Variants in CUEDC1 observed in about 807,000 individuals in gnomAD.
CUEDC1 encodes the protein CUE domain containing 1.
In CUEDC1, 30 loss-of-function variants were observed where a neutral mutation model predicts 43.7. The observed-to-expected ratio is 0.69, with a 90% CI of 0.51 to 0.93. The LOEUF (loss-of-function observed/expected upper bound fraction) is 0.93. Ranked by LOEUF, CUEDC1 falls within the 40% of genes least tolerant of loss-of-function variation. The pLI is 0.00. For missense variants in CUEDC1, 486 were observed against 549.0 expected, an observed-to-expected ratio of 0.89 and a Z score of 1.15; for synonymous variants, 223 against 223.6, an observed-to-expected ratio of 1.00 and a Z score of 0.02.
Position 57,885,408 on chromosome 17 carries a change from CG to C in CUEDC1, c.156del (p.Asp52GlufsTer36), listed in dbSNP as rs754148574. 66 of 1,607,348 alleles carry C rather than the reference CG, an allele frequency of 4.1e-5. No individual in the cohort carries two copies. Among genetic ancestry groups the C allele is most frequent in the Non-Finnish European group, 5.5e-5 (65 of 1,177,936 alleles). On this transcript the variant is annotated frameshift_variant, in exon 2 of 11. Coordinates refer to ENST00000577830, the MANE Select transcript of CUEDC1 (RefSeq NM_001271875.2). LOFTEE classifies it high-confidence loss of function. Reference protein sequence around the residue: ...VRRLEFNQAMDDFKTMFPNMD... With the variant: ...VRRLEFNQAMXDFKTMFPNMD... The stretch of plus-strand genomic sequence containing the variant: ...ATGTTGGGGAACATGGTCTTGAAGT[CG>C]TCCATGGCCTGGTTGAACTCCAGGC...
chr17:57,879,460 GTATC>G, intron 3 of CUEDC1, 147 bp downstream of exon 3: 1 of 1,066,682 alleles, frequency 9.4e-7, no homozygotes, highest in Non-Finnish European at 1.3e-6. Context: ...GTTCTCCTTG[GTATC>G]TAGCTAAAAT....
At chr17:57,945,386 C>T (rs551041048) in intron 1 of CUEDC1, among the ~76,000 whole-genome samples, 1 of 152,290 alleles carries the variant, frequency 6.6e-6, no homozygotes, top group South Asian at 2.1e-4. Context: ...TAGACATATG[C>T]CCCCATGCCC....
chr17:57,922,879 CT>C (rs35241279), intron 1 of CUEDC1, among the ~76,000 whole-genome samples: 31,647 of 143,802 alleles, frequency 0.22, 3,902 homozygotes, highest in Non-Finnish European at 0.3. Context: ...CTCCCTCTCT[CT>C]TTTTTTTTTT....
In CUEDC1 at chr17:57,916,114, A is replaced by C. The variant is rs564584823; in HGVS notation, c.-315-30235T>G. Among the ~76,000 whole-genome samples the C allele has an allele frequency of 5.1e-4, 78 of 152,362 alleles. 1 individual carries two copies. The highest frequency in any genetic ancestry group is 1.9e-3 in the African/African-American group (77 of 41,594). ...AAGGGCCGGAAAGGTTAAAGGCCTC[A>C]CCCTCAAGGTCCCACCAAAGAATCG... On this transcript the variant is annotated intron_variant, in intron 1 of 10. Coordinates refer to ENST00000577830, the MANE Select transcript of CUEDC1 (RefSeq NM_001271875.2).
chr17:57,913,020 C>T (rs895619799), intron 1 of CUEDC1, among the ~76,000 whole-genome samples: 3 of 152,034 alleles, frequency 2.0e-5, no homozygotes, highest in South Asian at 2.1e-4. Context: ...TACATTAAAA[C>T]AAATTTTTGT....
At chr17:57,903,931 G>C (rs73314256) in intron 1 of CUEDC1, among the ~76,000 whole-genome samples, 1,622 of 124,202 alleles carry the variant, frequency 0.013, 26 homozygotes, top group African/African-American at 0.038. Flanking sequence ...GAGAGAGACC[G>C]TGTTTCAAAA....
chr17:57,893,027 GCT>G (rs1377082387), intron 1 of CUEDC1, among the ~76,000 whole-genome samples: 4 of 152,204 alleles, frequency 2.6e-5, no homozygotes, highest in Admixed American at 2.0e-4. Context: ...ACTTGCCAGC[GCT>G]CTCATTTCCC....
chr17:57,929,253 A>G (rs1160736297), intron 1 of CUEDC1, among the ~76,000 whole-genome samples: 1 of 152,116 alleles, frequency 6.6e-6, no homozygotes, highest in Non-Finnish European at 1.5e-5. Flanking sequence ...CCCCTGCCCT[A>G]TGAGGCAGGG....
chr17:57,887,655 C>CTTTTTTTTTTTT lies in CUEDC1; in HGVS notation c.-315-1788_-315-1777dup, dbSNP rs3085786. Among the ~76,000 whole-genome samples the CTTTTTTTTTTTT allele has an allele frequency of 6.2e-4, 36 of 58,034 alleles. 1 individual carries two copies. The highest frequency in any genetic ancestry group is 1.4e-3 in the East Asian group (2 of 1,464). 38.1% of individuals were successfully genotyped at this position (58,034 alleles called of 152,430 possible). A position where few individuals can be genotyped will look rare whatever the true frequency, so the allele number is the denominator to read the frequency against. ...TACAGGTACACGCCACCACGCCTGGCTTTTTTTTTTTTTTTTTTTTTGTAT... is the reference window on the plus strand; with the variant it reads ...TACAGGTACACGCCACCACGCCTGGCTTTTTTTTTTTTTTTTTTTTTTTTTTTTTTTTTGTAT... On this transcript the variant is annotated intron_variant, in intron 1 of 10. Coordinates refer to ENST00000577830, the MANE Select transcript of CUEDC1 (RefSeq NM_001271875.2).
chr17:57,885,203 T>A (rs1420676739), intron 2 of CUEDC1, 26 bp downstream of exon 2: 1 of 1,528,106 alleles, frequency 6.5e-7, no homozygotes, highest in Non-Finnish European at 8.8e-7. Context: ...CAGTGGTGGT[T>A]GGAATTACCC....
At chr17:57,920,744 G>T (rs573465841) in intron 1 of CUEDC1, among the ~76,000 whole-genome samples, 1 of 149,352 alleles carries the variant, frequency 6.7e-6, no homozygotes, top group Non-Finnish European at 1.5e-5. Flanking sequence ...TGATTCTCCT[G>T]CCTTAGCCTC....
At chr17:57,869,861 C>T (rs547313818) in intron 6 of CUEDC1, 2 of 153,002 alleles carry the variant, frequency 1.3e-5, no homozygotes, top group African/African-American at 4.8e-5. Context: ...CCCCTGCTCT[C>T]TGTCCTGCAA....
intron 1 of CUEDC1, among the ~76,000 whole-genome samples, chr17:57,943,482 T>C (rs1250880249): frequency 2.0e-5 from 3 of 152,178 alleles, no homozygotes; most frequent in South Asian, 2.1e-4. Flanking sequence ...ATGCATTTAA[T>C]AGAAATGCTA....
intron 1 of CUEDC1, among the ~76,000 whole-genome samples, chr17:57,913,765 G>A (rs2074609517): frequency 6.6e-6 from 1 of 152,118 alleles, no homozygotes; most frequent in African/African-American, 2.4e-5. Context: ...ACAATGCATG[G>A]CTGTGTCCTG....
In CUEDC1 at chr17:57,867,351, C is replaced by T; in HGVS notation, c.1093+6G>A. ...GTTGGAGCTTACGACTCCCCTCCAGCCTCACCACACGCGTGGCCCTCCACA... is the reference window on the plus strand; with the variant it reads ...GTTGGAGCTTACGACTCCCCTCCAGTCTCACCACACGCGTGGCCCTCCACA... On this transcript the variant is annotated splice_donor_region_variant and intron_variant, in intron 9 of 10. Transcript: ENST00000577830. 6.4e-7 allele frequency: 1 copy of T among 1,551,886 alleles called. No individual in the cohort carries two copies. The highest frequency in any genetic ancestry group is 8.7e-7 in the Non-Finnish European group (1 of 1,147,010).
chr17:57,904,135 G>T (rs990559036), intron 1 of CUEDC1, among the ~76,000 whole-genome samples: 8 of 152,076 alleles, frequency 5.3e-5, no homozygotes, highest in Non-Finnish European at 1.2e-4. Flanking sequence ...CACCCCAGCT[G>T]GCAGGGGGCA....
intron 4 of CUEDC1, 93 bp from the exon 5 acceptor site, chr17:57,872,948 C>A: frequency 8.5e-7 from 1 of 1,182,242 alleles, no homozygotes; most frequent in Non-Finnish European, 1.2e-6. Flanking sequence ...ATGCCCTGTC[C>A]AACATCCTCC....
rs2074966541 is a variant in CUEDC1 at position 57,947,082 on chromosome 17, C to T, written c.-316+8143G>A. On this transcript the variant is annotated intron_variant, in intron 1 of 10. Transcript: ENST00000577830. ...GAAATCATTTCAGGAGCCTGATCACCCTACATGACCACAGAGAGGCTTCCC... is the reference window on the plus strand; with the variant it reads ...GAAATCATTTCAGGAGCCTGATCACTCTACATGACCACAGAGAGGCTTCCC... Among the ~76,000 whole-genome samples, 3 of 151,592 alleles carry T rather than the reference C, an allele frequency of 2.0e-5. No individual in the cohort carries two copies. The South Asian group carries it at 6.3e-4, about 32-fold the overall frequency.
intron 7 of CUEDC1, 98 bp from the exon 8 acceptor site, chr17:57,868,341 C>T: frequency 1.9e-6 from 2 of 1,067,404 alleles, no homozygotes; most frequent in South Asian, 1.3e-5. Context: ...ACCAAGGCCC[C>T]CCGGAGAGGG....
Sources: allele counts gnomAD v4.1 joint callset (sites outside exome capture counted in the v4.1 genomes callset), GRCh38; gene constraint gnomAD v4.1.1; transcripts MANE v1.5; gene names NCBI Gene and HGNC (gene_info 2026-07-23, HGNC 2026-07-21).